AMACR: variants seen among roughly 807,000 people sequenced by gnomAD.
AMACR encodes 2-methylacyl-CoA racemase.
In AMACR, 18 loss-of-function variants were observed where a neutral mutation model predicts 22.2. The observed-to-expected ratio is 0.81, with a 90% CI of 0.56 to 1.20. The LOEUF is 1.20. Among genes scored for constraint, AMACR ranks in the 50% most tolerant of loss-of-function variants. AMACR has a pLI of 0.00. For synonymous variants in AMACR, 213 were observed against 191.3 expected (o/e 1.11, Z -0.94); for missense variants, 499 against 490.6 (o/e 1.02, Z -0.16).
chr5:34,004,985 T>G (rs1390052067), intron 2 of AMACR, among the ~76,000 whole-genome samples: 2 of 152,352 alleles, frequency 1.3e-5, no homozygotes, highest in East Asian at 3.9e-4. Flanking sequence ...TATTGCTAAG[T>G]TTTTACTCAC....
chr5:33,997,721 GTTC>G, intron 4 of AMACR: 1 of 583,628 alleles, frequency 1.7e-6, no homozygotes. Context: ...AAACCATTGT[GTTC>G]TTCTATAGTT....
rs1579577087 is a variant in AMACR at position 33,997,023 on chromosome 5, T to C, written c.739+1618A>G. 4 of 650,574 alleles carry C rather than the reference T, an allele frequency of 6.1e-6. No individual in the cohort carries two copies. In the East Asian group the frequency reaches 1.1e-4, roughly 18 times the overall value. The allele number at this position is 650,574 out of a possible 1,614,324, so 40.3% of individuals were successfully genotyped here. A position where few individuals can be genotyped will look rare whatever the true frequency, so the allele number is the denominator to read the frequency against. Reference sequence around the variant, plus strand: ...TTTTTTTTTAATTTTACACGTTTATTTTCATTAAAACTTATTTAAGTCACT... The same window carrying C: ...TTTTTTTTTAATTTTACACGTTTATCTTCATTAAAACTTATTTAAGTCACT... On this transcript the variant is annotated intron_variant, in intron 4 of 4. Coordinates refer to ENST00000335606, the MANE Select transcript of AMACR (RefSeq NM_014324.6).
intron 4 of AMACR, among the ~76,000 whole-genome samples, chr5:33,996,284 G>A (rs1351970855): frequency 3.3e-5 from 5 of 152,202 alleles, no homozygotes; most frequent in African/African-American, 1.2e-4. Flanking sequence ...ATCCATAGGG[G>A]ACTTTGAAAA....
intron 1 of AMACR, among the ~76,000 whole-genome samples, chr5:34,007,299 G>A (rs1754010486): frequency 6.6e-6 from 1 of 152,204 alleles, no homozygotes; most frequent in Admixed American, 6.5e-5. Context: ...AGCAGATGCT[G>A]AGACTTAGAA....
rs10941112 is a variant in AMACR, at chr5:34,004,602, C to T, written c.524G>A (p.Gly175Asp). ...IMALFDRTRTGKGQVIDANMV... is the reference protein window; with the variant it reads ...IMALFDRTRTDKGQVIDANMV... The stretch of plus-strand genomic sequence containing the variant: ...ATTTGCATCAATGACCTGACCCTTG[C>T]CAGTGCGTGTGCGGTCAAAAAGAGC... The change falls in exon 3 of 5, where the codon GGC becomes GAC. Residue 175 changes from glycine (G) to aspartate (D), a missense_variant. Gly to Asp is a moderately conservative substitution (Grantham distance 94). Transcript: ENST00000335606. The T allele has an allele frequency of 0.47, 766,403 of 1,613,804 alleles. 196,459 individuals are homozygous for T. The highest frequency in any genetic ancestry group is 0.53 in the Non-Finnish European group (626,929 of 1,179,884).
chr5:33,994,717 T>C (rs1334655251), intron 4 of AMACR, among the ~76,000 whole-genome samples: 1 of 151,912 alleles, frequency 6.6e-6, no homozygotes, highest in Admixed American at 6.6e-5. Flanking sequence ...AGATGAGGGT[T>C]AAGGATATCA....
chr5:34,007,733 C>T, intron 1 of AMACR, 40 bp downstream of exon 1: 2 of 1,517,508 alleles, frequency 1.3e-6, no homozygotes, highest in Non-Finnish European at 1.8e-6. Context: ...CTCCCCTCCG[C>T]GGGAACTTCC....
At chr5:34,007,623 C>T in intron 1 of AMACR, 150 bp downstream of exon 1, 1 of 1,182,324 alleles carries the variant, frequency 8.5e-7, no homozygotes, top group South Asian at 1.6e-5. Flanking sequence ...ACTAACAATA[C>T]CCTAGGAGGC....
In AMACR at chr5:33,998,684, A is replaced by G; in HGVS notation, c.696T>C (p.Ala232=). The change falls in exon 4 of 5, where the codon GCT becomes GCC. Residue 232 remains alanine, a synonymous_variant. Transcript: ENST00000335606. ...AGAACTGGGGTTCTATTGCTCCAAC[A>G]GCCATGAATTCCCCATCTGCTGTCC... ...TYRTADGEFM[A]VGAIEPQFYE... 1 of 1,613,620 alleles carries G rather than the reference A, an allele frequency of 6.2e-7. No individual in the cohort carries two copies. Among genetic ancestry groups the G allele is most frequent in the Non-Finnish European group, 8.5e-7 (1 of 1,179,712 alleles).
rs1166900433 is a variant in AMACR at position 33,989,383 on chromosome 5, A to C, written c.859T>G (p.Phe287Val). The change falls in exon 5 of 5, where the codon TTT becomes GTT. Residue 287 changes from phenylalanine (F) to valine (V), a missense_variant. Phe to Val is a conservative substitution (Grantham distance 50, BLOSUM62 -1). Transcript: ENST00000335606. ...GTCACACAGGCATCTGTGCCGTCAAAGATTTGACACCACTCTGCCTTCGTC... is the reference window on the plus strand; with the variant it reads ...GTCACACAGGCATCTGTGCCGTCAACGATTTGACACCACTCTGCCTTCGTC... ...EKTKAEWCQI[F>V]DGTDACVTPV... is the part of the protein sequence containing the mutation. 1.2e-6 allele frequency: 2 copies of C among 1,614,232 alleles called. No homozygotes were observed. Among genetic ancestry groups the C allele is most frequent in the South Asian group, 2.2e-5 (2 of 91,088 alleles).
chr5:34,005,956 C>A lies in AMACR; in HGVS notation c.248-57G>T. ...AGTATGAATTGAGGATGGAGATAAT[C>A]CCTTCTCTGAGACAAACATAAAATA... On this transcript the variant is annotated intron_variant, in intron 1 of 4. Transcript: ENST00000335606. 2.5e-6 allele frequency: 4 copies of A among 1,593,402 alleles called. No individual in the cohort carries two copies. The South Asian group carries it at 4.4e-5, about 18-fold the overall frequency.
In AMACR at chr5:33,989,375, G is replaced by T; in HGVS notation, c.867C>A (p.Gly289=). ...TKAEWCQIFD[G]TDACVTPVLT... is the part of the protein sequence containing the mutation. The stretch of plus-strand genomic sequence containing the variant: ...GAACCGGAGTCACACAGGCATCTGT[G>T]CCGTCAAAGATTTGACACCACTCTG... The change falls in exon 5 of 5, where the codon GGC becomes GGA. Residue 289 remains glycine (G), a synonymous_variant. Coordinates refer to ENST00000335606, the MANE Select transcript of AMACR (RefSeq NM_014324.6). 1 of 1,614,150 alleles carries T rather than the reference G, an allele frequency of 6.2e-7. No homozygotes were observed. Among genetic ancestry groups the T allele is most frequent in the Admixed American group, 1.7e-5 (1 of 60,020 alleles).
At chr5:34,007,635 A>T in intron 1 of AMACR, 138 bp downstream of exon 1, 1 of 1,324,382 alleles carries the variant, frequency 7.6e-7, no homozygotes, top group African/African-American at 1.5e-5. Flanking sequence ...CTAGGAGGCA[A>T]AAATCTGGAA....
intron 3 of AMACR, among the ~76,000 whole-genome samples, chr5:33,999,193 G>A (rs1753735774): frequency 6.6e-6 from 1 of 152,134 alleles, no homozygotes; most frequent in African/African-American, 2.4e-5. Flanking sequence ...AAGATAAAAA[G>A]TTAAAAATTA....
At chr5:33,992,040 G>C (rs1340673808) in intron 4 of AMACR, among the ~76,000 whole-genome samples, 3 of 152,078 alleles carry the variant, frequency 2.0e-5, no homozygotes, top group African/African-American at 7.2e-5. Flanking sequence ...CACCATGCCC[G>C]GCAAATTTTT....
At chr5:33,990,448 G>A (rs1232285461) in intron 4 of AMACR, among the ~76,000 whole-genome samples, 1 of 152,112 alleles carries the variant, frequency 6.6e-6, no homozygotes, top group Non-Finnish European at 1.5e-5. Flanking sequence ...CCCCATCTGC[G>A]TTTCCTTTAC....
At chr5:33,997,769 G>A (rs546717106) in intron 4 of AMACR, 6 of 506,424 alleles carry the variant, frequency 1.2e-5, no homozygotes, top group African/African-American at 3.9e-5. Context: ...AAGTTAATAT[G>A]TTTAATCATA....
intron 3 of AMACR, among the ~76,000 whole-genome samples, chr5:34,002,905 C>T (rs1753862010): frequency 6.6e-6 from 1 of 152,182 alleles, no homozygotes; most frequent in African/African-American, 2.4e-5. Context: ...GGCACACACT[C>T]AGTACAGGGC....
intron 4 of AMACR, among the ~76,000 whole-genome samples, chr5:33,992,796 C>T (rs757378435): frequency 5.9e-5 from 9 of 151,578 alleles, no homozygotes; most frequent in African/African-American, 1.5e-4. Flanking sequence ...TTTCCCAAAC[C>T]GTAAGAACAA....
Sources: allele counts gnomAD v4.1 joint callset (sites outside exome capture counted in the v4.1 genomes callset), GRCh38; gene constraint gnomAD v4.1.1; transcripts MANE v1.5; gene names NCBI Gene and HGNC (gene_info 2026-07-23, HGNC 2026-07-21).